The following BBOF1 variants were observed in gnomAD, a reference collection of about 807,000 sequenced individuals.
The protein encoded by BBOF1 is basal body orientation factor 1.
A neutral mutation model predicts 68.0 loss-of-function variants in BBOF1; 62 were observed. The ratio of observed to expected loss-of-function variants is 0.91; its 90% CI spans 0.74 to 1.13. BBOF1 has a LOEUF of 1.13. Among genes scored for constraint, BBOF1 ranks in the 50% most tolerant of loss-of-function variants. BBOF1 has a pLI of 0.00. For synonymous variants in BBOF1, 208 were observed against 198.8 expected (o/e 1.05, Z -0.39); for missense variants, 534 against 600.1 (o/e 0.89, Z 1.15).
intron 7 of BBOF1, chr14:74,048,314 C>A: frequency 2.9e-6 from 1 of 350,266 alleles, no homozygotes; most frequent in Non-Finnish European, 5.1e-6. Context: ...TTATCCTCTA[C>A]TACCTTAGAA....
chr14:74,022,319 A>G (rs2059321145), intron 1 of BBOF1, among the ~76,000 whole-genome samples: 1 of 152,130 alleles, frequency 6.6e-6, no homozygotes, highest in Admixed American at 6.6e-5. Context: ...AGGCTGAGGT[A>G]GGAGGATCAC....
chr14:74,034,250 C>A, intron 4 of BBOF1, 79 bp downstream of exon 4: 2 of 937,370 alleles, frequency 2.1e-6, no homozygotes, highest in Non-Finnish European at 3.0e-6. Context: ...CAAACATTTA[C>A]TCCTGTGAGA....
At chr14:74,028,532 C>T (rs757682254) in intron 2 of BBOF1, among the ~76,000 whole-genome samples, 5 of 143,960 alleles carry the variant, frequency 3.5e-5, no homozygotes, top group Non-Finnish European at 7.5e-5. Context: ...AAAGCAAATG[C>T]GGCAAAATTA....
intron 2 of BBOF1, among the ~76,000 whole-genome samples, chr14:74,028,647 A>G (rs889825199): frequency 1.3e-5 from 2 of 151,856 alleles, no homozygotes; most frequent in African/African-American, 2.4e-5. Flanking sequence ...AGGCCAAGGC[A>G]GGGGGATCAC....
At chr14:74,045,437 GA>G (rs1198786932) in intron 5 of BBOF1, among the ~76,000 whole-genome samples, 2 of 152,102 alleles carry the variant, frequency 1.3e-5, no homozygotes, top group African/African-American at 4.8e-5. Context: ...AGCCTACCGA[GA>G]AGCTGGGATT....
Position 74,074,953 on chromosome 14 carries a change from A to G in BBOF1, n.1380-3243A>G, listed in dbSNP as rs760163387. 26 of 1,613,692 alleles carry G rather than the reference A, an allele frequency of 1.6e-5. No individual in the cohort carries two copies. Among genetic ancestry groups the G allele is most frequent in the African/African-American group, 2.7e-5 (2 of 74,920 alleles). On this transcript the variant is annotated intron_variant and non_coding_transcript_variant, in intron 9 of 12. Transcript: ENST00000492026. Reference sequence around the variant, plus strand: ...GTCAACCTCTATGCCAAATAAACTCACCACTGAAGAAGAGAAGGAAGATGC... The same window carrying G: ...GTCAACCTCTATGCCAAATAAACTCGCCACTGAAGAAGAGAAGGAAGATGC...
At chr14:74,074,234 C>G (rs1283077514) in intron 9 of BBOF1, among the ~76,000 whole-genome samples, 1 of 151,860 alleles carries the variant, frequency 6.6e-6, no homozygotes. Flanking sequence ...GCCTCAGCCT[C>G]CCAAAGTGCT....
intron 12 of BBOF1, among the ~76,000 whole-genome samples, chr14:74,082,042 A>G (rs948602388): frequency 6.6e-6 from 1 of 152,142 alleles, no homozygotes; most frequent in East Asian, 1.9e-4. Context: ...CCCTGTCTCT[A>G]CAAAAAATAC....
At chr14:74,072,372 G>A in intron 9 of BBOF1, 1 of 1,614,136 alleles carries the variant, frequency 6.2e-7, no homozygotes, top group Non-Finnish European at 8.5e-7. Flanking sequence ...GGCCTGATGA[G>A]AAAAATAAGC....
At chr14:74,066,246 G>T (rs10047853), downstream of BBOF1, among the ~76,000 whole-genome samples, 2,832 of 152,216 alleles carry the variant, frequency 0.019, 56 homozygotes, top group African/African-American at 0.051. Flanking sequence ...TAGCCTGTGG[G>T]CCAAATGTGG....
At chr14:74,031,085 A>G (rs1242567330) in intron 3 of BBOF1, among the ~76,000 whole-genome samples, 1 of 151,354 alleles carries the variant, frequency 6.6e-6, no homozygotes, top group African/African-American at 2.4e-5. Flanking sequence ...ACTCCATAGC[A>G]GTATGTAGAG....
At chr14:74,029,052 C>T (rs1036983676) in intron 2 of BBOF1, 132 bp from the exon 3 acceptor site, 4 of 580,146 alleles carry the variant, frequency 6.9e-6, no homozygotes, top group East Asian at 3.0e-5. Flanking sequence ...TTCCTGTCCC[C>T]TCTTCTCTTT....
chr14:74,079,620 G>C lies in BBOF1; in HGVS notation n.1536+1268G>C, dbSNP rs1296201910. Among the ~76,000 whole-genome samples the C allele has an allele frequency of 3.3e-5, 5 of 151,856 alleles. No homozygotes were observed. In the East Asian group the frequency reaches 9.7e-4, roughly 30 times the overall value. On this transcript the variant is annotated intron_variant and non_coding_transcript_variant, in intron 10 of 12. Coordinates refer to the BBOF1 transcript ENST00000492026. The stretch of plus-strand genomic sequence containing the variant: ...GCTAGTTTTTTGTATTTTTAGTAGA[G>C]ATGGGGTTTCACCATGTTAGCCAGG...
At chr14:74,035,173 A>T (rs1452362575) in intron 4 of BBOF1, among the ~76,000 whole-genome samples, 1 of 152,160 alleles carries the variant, frequency 6.6e-6, no homozygotes, top group African/African-American at 2.4e-5. Flanking sequence ...AAAGTGCATA[A>T]AATAGCACGT....
At position 74,064,582 on chromosome 14, in the gene BBOF1, A is replaced by C. The variant is rs2060427314; in HGVS notation, c.1579-106A>C. 3.7e-6 allele frequency: 4 copies of C among 1,077,248 alleles called. No individual in the cohort carries two copies. The South Asian group carries it at 5.0e-5, about 14-fold the overall frequency. 66.7% of individuals were successfully genotyped at this position (1,077,248 alleles called of 1,614,324 possible). A position where few individuals can be genotyped will look rare whatever the true frequency, so the allele number is the denominator to read the frequency against. On this transcript the variant is annotated intron_variant, in intron 11 of 11. Transcript: ENST00000394009. Reference sequence around the variant, plus strand: ...CACACACTCAGGAAATGGCATATACAAAGGCTTAGACTTCCCCATGCTCTT... The same window carrying C: ...CACACACTCAGGAAATGGCATATACCAAGGCTTAGACTTCCCCATGCTCTT...
downstream of BBOF1, among the ~76,000 whole-genome samples, chr14:74,068,271 C>T (rs1697830433): frequency 1.3e-5 from 2 of 151,750 alleles, no homozygotes; most frequent in Non-Finnish European, 2.9e-5. Context: ...CCCAGCTACT[C>T]AGGAGGCTGA....
rs2060225476 is a variant in BBOF1, at chr14:74,056,969, A to C, written c.1452A>C (p.Thr484=). The C allele has an allele frequency of 6.2e-7, 1 of 1,613,652 alleles. No homozygotes were observed. Among genetic ancestry groups the C allele is most frequent in the African/African-American group, 1.3e-5 (1 of 75,014 alleles). ...ATGTTGTTTCTGACAGTGGGGAAAC[A>C]AAGGAATTTGGGTAAGAGCTCTCTT... ...PDYVVSDSGE[T]KEFGDESKLQ... Residue 484 remains threonine (T), a synonymous_variant, in exon 10 of 12, where the codon ACA becomes ACC. Transcript: ENST00000394009.
chr14:74,064,690 A>C lies in BBOF1; in HGVS notation c.1581A>C (p.Gly527=). The C allele has an allele frequency of 6.2e-7, 1 of 1,614,082 alleles. No homozygotes were observed. The highest frequency in any genetic ancestry group is 8.5e-7 in the Non-Finnish European group (1 of 1,179,986). ...IPKEPQESDT[G]TF ...GTTAACTTTTAAATCTTTTTTAGGG[A>C]ACCTTCTGAGAAGCACTGATTATGA... Residue 527 remains glycine (G), a splice_region_variant and synonymous_variant, in exon 12 of 12, where the codon GGA becomes GGC. Transcript: ENST00000394009.
At chr14:74,048,839 T>C (rs1369110006) in intron 7 of BBOF1, among the ~76,000 whole-genome samples, 1 of 152,122 alleles carries the variant, frequency 6.6e-6, no homozygotes, top group African/African-American at 2.4e-5. Flanking sequence ...GGAGATGCCA[T>C]AGTTTCCAAT....
Sources: allele counts gnomAD v4.1 joint callset (sites outside exome capture counted in the v4.1 genomes callset), GRCh38; gene constraint gnomAD v4.1.1; transcripts MANE v1.5; gene names NCBI Gene and HGNC (gene_info 2026-07-23, HGNC 2026-07-21).